GRIK1: variants seen among roughly 807,000 people sequenced by gnomAD.
The protein encoded by GRIK1 is glutamate ionotropic receptor kainate type subunit 1.
Under a neutral mutation model 105.7 loss-of-function variants are expected in GRIK1, and 69 were observed. The ratio of observed to expected loss-of-function variants is 0.65; its 90% CI spans 0.54 to 0.80. The LOEUF is 0.80. Among genes scored for constraint, GRIK1 ranks in the 30% least tolerant of loss-of-function variants. The pLI is 0.00. For missense variants in GRIK1, 1,109 were observed against 1,167.3 expected, an observed-to-expected ratio of 0.95 and a Z score of 0.73; for synonymous variants, 438 against 431.3, an observed-to-expected ratio of 1.02 and a Z score of -0.19.
intron 1 of GRIK1, among the ~76,000 whole-genome samples, chr21:29,822,806 G>T (rs1186525571): frequency 1.3e-5 from 2 of 151,946 alleles, no homozygotes; most frequent in Non-Finnish European, 2.9e-5. Context: ...TCTTTTATAT[G>T]CAAGAGAAAT....
At chr21:29,694,344 G>A (rs1374635373) in intron 1 of GRIK1, among the ~76,000 whole-genome samples, 5 of 151,742 alleles carry the variant, frequency 3.3e-5, no homozygotes, top group African/African-American at 4.8e-5. Context: ...GGCTGGTCTC[G>A]AACTCCTGAC....
At chr21:29,915,011 T>G (rs1377841551) in intron 1 of GRIK1, among the ~76,000 whole-genome samples, 2 of 152,184 alleles carry the variant, frequency 1.3e-5, no homozygotes, top group East Asian at 3.9e-4. Context: ...ATGAAATATG[T>G]TTTTTACATA....
intron 1 of GRIK1, among the ~76,000 whole-genome samples, chr21:29,911,642 T>A: frequency 6.6e-6 from 1 of 152,130 alleles, no homozygotes; most frequent in South Asian, 2.1e-4. Context: ...GGAGGTAATA[T>A]GGTTTAGGTG....
chr21:29,857,059 A>G (rs1174766757), intron 1 of GRIK1, among the ~76,000 whole-genome samples: 3 of 152,172 alleles, frequency 2.0e-5, no homozygotes, highest in African/African-American at 7.2e-5. Flanking sequence ...TTCAAAGTAA[A>G]ATTGAAAGTT....
intron 1 of GRIK1, among the ~76,000 whole-genome samples, chr21:29,814,404 C>T (rs1028671153): frequency 6.6e-6 from 1 of 152,034 alleles, no homozygotes; most frequent in Non-Finnish European, 1.5e-5. Context: ...ATTTGCGATG[C>T]TGGGTGCTTG....
At chr21:29,592,983 C>T (rs921117063) in intron 9 of GRIK1, among the ~76,000 whole-genome samples, 1 of 152,168 alleles carries the variant, frequency 6.6e-6, no homozygotes, top group Non-Finnish European at 1.5e-5. Flanking sequence ...CTCCATCCTC[C>T]TTTGCTTTTC....
chr21:29,801,141 C>A (rs1421893435), intron 1 of GRIK1, among the ~76,000 whole-genome samples: 3 of 151,948 alleles, frequency 2.0e-5, no homozygotes, highest in Non-Finnish European at 4.4e-5. Context: ...AGCTTAGAGC[C>A]AGGAGTAGTG....
intron 1 of GRIK1, among the ~76,000 whole-genome samples, chr21:29,747,424 T>C (rs2065073081): frequency 6.6e-6 from 1 of 152,196 alleles, no homozygotes; most frequent in Non-Finnish European, 1.5e-5. Context: ...AAATCTCCAA[T>C]TGTGATCTGG....
At chr21:29,537,561 C>T (rs2089900343) in intron 17 of GRIK1, 176 bp from the exon 18 acceptor site, 35 of 657,192 alleles carry the variant, frequency 5.3e-5, no homozygotes, top group South Asian at 4.4e-4. Context: ...CTTTTCTAAT[C>T]GGGGAAACTG....
At chr21:29,627,571 G>T (rs1457045449) in intron 7 of GRIK1, among the ~76,000 whole-genome samples, 2 of 152,158 alleles carry the variant, frequency 1.3e-5, no homozygotes, top group African/African-American at 2.4e-5. Flanking sequence ...CAGGTCACAT[G>T]ATTTCACCTC....
At chr21:29,821,190 A>G (rs1387067541) in intron 1 of GRIK1, among the ~76,000 whole-genome samples, 2 of 152,078 alleles carry the variant, frequency 1.3e-5, no homozygotes, top group Non-Finnish European at 2.9e-5. Flanking sequence ...TCTATGTATT[A>G]GATACTGTAT....
chr21:29,784,161 C>G (rs555359838), intron 1 of GRIK1, among the ~76,000 whole-genome samples: 1 of 152,266 alleles, frequency 6.6e-6, no homozygotes, highest in African/African-American at 2.4e-5. Flanking sequence ...CACACTATGT[C>G]AATATAAAAG....
At chr21:29,890,063 A>G (rs79886466) in intron 1 of GRIK1, among the ~76,000 whole-genome samples, 2 of 152,256 alleles carry the variant, frequency 1.3e-5, no homozygotes, top group East Asian at 3.9e-4. Flanking sequence ...ACAATAAGTC[A>G]TGTGATACTG....
intron 7 of GRIK1, among the ~76,000 whole-genome samples, chr21:29,620,278 G>A (rs142916227): frequency 2.0e-4 from 30 of 152,284 alleles, no homozygotes; most frequent in Non-Finnish European, 3.7e-4. Context: ...TAACTGAGAC[G>A]TAACAGGTAT....
chr21:29,667,138 T>C (rs2063075076), intron 4 of GRIK1, among the ~76,000 whole-genome samples: 1 of 152,240 alleles, frequency 6.6e-6, no homozygotes, highest in Admixed American at 6.5e-5. Context: ...TCTGACTTAG[T>C]GGGCACATGT....
chr21:29,571,566 G>A (rs1439854793), intron 14 of GRIK1, among the ~76,000 whole-genome samples: 2 of 152,206 alleles, frequency 1.3e-5, no homozygotes, highest in African/African-American at 2.4e-5. Flanking sequence ...GATTTTGAAT[G>A]AAATTTTAGC....
At chr21:29,719,944 A>C (rs1174393490) in intron 1 of GRIK1, among the ~76,000 whole-genome samples, 1 of 152,236 alleles carries the variant, frequency 6.6e-6, no homozygotes, top group African/African-American at 2.4e-5. Flanking sequence ...TACAGGTTAA[A>C]AGCTAATCAC....
chr21:29,660,466 G>A (rs2062941336), intron 4 of GRIK1, among the ~76,000 whole-genome samples: 1 of 152,172 alleles, frequency 6.6e-6, no homozygotes, highest in Non-Finnish European at 1.5e-5. Flanking sequence ...ATTTCAGTCT[G>A]ATCATTTCCT....
intron 6 of GRIK1, among the ~76,000 whole-genome samples, chr21:29,645,020 C>T (rs2249140): frequency 0.5 from 76,460 of 152,064 alleles, 22,231 homozygotes; most frequent in African/African-American, 0.82. Flanking sequence ...AACCATAAAG[C>T]TGTGCTGCTT....
Sources: allele counts gnomAD v4.1 joint callset (sites outside exome capture counted in the v4.1 genomes callset), GRCh38; gene constraint gnomAD v4.1.1; transcripts MANE v1.5; gene names NCBI Gene and HGNC (gene_info 2026-07-23, HGNC 2026-07-21).